The following NIBAN1 variants were observed in gnomAD, a reference collection of about 807,000 sequenced individuals.
NIBAN1 encodes niban apoptosis regulator 1.
In NIBAN1, 81 loss-of-function variants were observed where a neutral mutation model predicts 75.1. The ratio of observed to expected loss-of-function variants is 1.08; its 90% CI spans 0.90 to 1.30. The LOEUF (loss-of-function observed/expected upper bound fraction) is 1.30. NIBAN1 is among the 50% of genes most tolerant of loss of function. The pLI is 0.00. For synonymous variants in NIBAN1, 436 were observed against 424.8 expected, an observed-to-expected ratio of 1.03 and a Z score of -0.32; for missense variants, 1,133 against 1,128.1, an observed-to-expected ratio of 1.00 and a Z score of -0.06.
intron 9 of NIBAN1, among the ~76,000 whole-genome samples, chr1:184,811,513 G>GTTTTTTTTTTTTT (rs55898062): frequency 4.3e-5 from 6 of 139,042 alleles, no homozygotes; most frequent in South Asian, 2.3e-4. Flanking sequence ...TTTTTTTTTT[G>GTTTTTTTTTTTTT]TTTTTTTTTT....
intron 4 of NIBAN1, among the ~76,000 whole-genome samples, chr1:184,888,839 TAAAAGA>T (rs1656597816): frequency 6.6e-6 from 1 of 152,212 alleles, no homozygotes; most frequent in Non-Finnish European, 1.5e-5. Flanking sequence ...TAAGTAGATG[TAAAAGA>T]AAATATAATA....
At chr1:184,839,650 C>T (rs898669214) in intron 5 of NIBAN1, among the ~76,000 whole-genome samples, 11 of 151,666 alleles carry the variant, frequency 7.3e-5, no homozygotes. Context: ...GGCTGGAGTG[C>T]AATGGCACGA....
At chr1:184,901,572 G>T (rs1207596240) in intron 1 of NIBAN1, among the ~76,000 whole-genome samples, 2 of 152,102 alleles carry the variant, frequency 1.3e-5, no homozygotes, top group East Asian at 3.9e-4. Flanking sequence ...TTGCCCTTTA[G>T]GTCCAAGTAG....
Position 184,948,113 on chromosome 1 carries a change from A to T in NIBAN1, c.55+26189T>A, listed in dbSNP as rs78607944. ...AGATAAGCATATTGGGATATTCAAA[A>T]ATAGGAAATAAAAAAAAAATCCTTA... On this transcript the variant is annotated intron_variant, in intron 1 of 13. Coordinates refer to ENST00000367511, the MANE Select transcript of NIBAN1 (RefSeq NM_052966.4). 2.5e-3 allele frequency among the ~76,000 whole-genome samples: 386 copies of T among 152,224 alleles called. 2 individuals are homozygous for T. The highest frequency in any genetic ancestry group is 9.1e-3 in the African/African-American group (376 of 41,516).
At chr1:184,809,893 T>A (rs1390580855) in intron 9 of NIBAN1, among the ~76,000 whole-genome samples, 2 of 152,028 alleles carry the variant, frequency 1.3e-5, no homozygotes, top group South Asian at 4.1e-4. Flanking sequence ...GAGTAATGTA[T>A]AAAATATAAT....
rs1655294629 is a variant in NIBAN1, at chr1:184,841,790, G to A, written c.602-9828C>T. On this transcript the variant is annotated intron_variant, in intron 5 of 13. Coordinates refer to ENST00000367511, the MANE Select transcript of NIBAN1 (RefSeq NM_052966.4). ...CCCTAGAAAGGAAGTACTCCATCTG[G>A]GCTGAGTTACCTTGTAACAGGTGTA... 2.6e-5 allele frequency among the ~76,000 whole-genome samples: 4 copies of A among 152,250 alleles called. 1 individual carries two copies. The South Asian group carries it at 8.3e-4, about 32-fold the overall frequency.
At chr1:184,856,246 G>T (rs1655672687) in intron 5 of NIBAN1, among the ~76,000 whole-genome samples, 1 of 152,014 alleles carries the variant, frequency 6.6e-6, no homozygotes, top group South Asian at 2.1e-4. Context: ...AGATTTTGTG[G>T]GCTTAGATTT....
At chr1:184,800,317 C>T (rs1171457393) in intron 12 of NIBAN1, among the ~76,000 whole-genome samples, 8 of 149,142 alleles carry the variant, frequency 5.4e-5, no homozygotes, top group Middle Eastern at 3.5e-3. Flanking sequence ...TTGTGGGTTG[C>T]CTGTTCACTC....
chr1:184,923,116 ACATT>A (rs2102021228), intron 1 of NIBAN1, among the ~76,000 whole-genome samples: 1 of 152,156 alleles, frequency 6.6e-6, no homozygotes, highest in African/African-American at 2.4e-5. Flanking sequence ...TGCTTATGGG[ACATT>A]ACTCAAGAAA....
intron 13 of NIBAN1, among the ~76,000 whole-genome samples, chr1:184,796,838 T>C (rs1378113272): frequency 2.6e-5 from 4 of 152,214 alleles, no homozygotes; most frequent in Non-Finnish European, 5.9e-5. Context: ...ATCAATATAT[T>C]GTGACAATTT....
intron 11 of NIBAN1, among the ~76,000 whole-genome samples, chr1:184,805,423 A>G (rs1054861275): frequency 6.6e-6 from 1 of 152,242 alleles, no homozygotes; most frequent in Non-Finnish European, 1.5e-5. Context: ...TTTAAAATAT[A>G]ACATATATGT....
chr1:184,899,445 C>T (rs987487724), intron 1 of NIBAN1, 136 bp from the exon 2 acceptor site: 2 of 888,986 alleles, frequency 2.2e-6, no homozygotes, highest in Non-Finnish European at 3.3e-6. Context: ...TCCAGTCACC[C>T]CTGTTTCCCA....
chr1:184,908,002 T>A (rs1657146912), intron 1 of NIBAN1, among the ~76,000 whole-genome samples: 2 of 152,126 alleles, frequency 1.3e-5, no homozygotes, highest in South Asian at 4.1e-4. Flanking sequence ...ATGAAATATA[T>A]CAAAGCCAAG....
chr1:184,955,361 T>C (rs12725289), intron 1 of NIBAN1, among the ~76,000 whole-genome samples: 1,580 of 24,908 alleles, frequency 0.063, 18 homozygotes, highest in African/African-American at 0.12. Flanking sequence ...CCTTTCCTTT[T>C]CTTTTTTGTT....
chr1:184,791,036 A>G lies in NIBAN1; in HGVS notation c.*3941T>C, dbSNP rs1312946428. The G allele has an allele frequency of 2.1e-6, 1 of 471,524 alleles. No individual in the cohort carries two copies. The allele number at this position is 471,524 out of a possible 1,614,324, so 29.2% of individuals were successfully genotyped here. A position where few individuals can be genotyped will look rare whatever the true frequency, so the allele number is the denominator to read the frequency against. On this transcript the variant is annotated 3_prime_UTR_variant, in exon 14 of 14. Coordinates refer to ENST00000367511, the MANE Select transcript of NIBAN1 (RefSeq NM_052966.4). ...TAAATGACATCTGGTCAGCTCTTCAAGGATGAACATTTTATTGGAATATAG... is the reference window on the plus strand; with the variant it reads ...TAAATGACATCTGGTCAGCTCTTCAGGGATGAACATTTTATTGGAATATAG...
In NIBAN1 at chr1:184,795,818, G is replaced by A; in HGVS notation, c.1946C>T (p.Pro649Leu). 3.1e-6 allele frequency: 5 copies of A among 1,609,712 alleles called. No homozygotes were observed. The East Asian group carries it at 1.1e-4, about 36-fold the overall frequency. Reference sequence around the variant, plus strand: ...AATAATCACCTGCTCAGTCCCATCTGGGGGTGGGCTTGGCCCAGGGAGAGA... The same window carrying A: ...AATAATCACCTGCTCAGTCCCATCTAGGGGTGGGCTTGGCCCAGGGAGAGA... ...SLSLPGPSPPPDGTEQVIISR... is the reference protein window; with the variant it reads ...SLSLPGPSPPLDGTEQVIISR... The change falls in exon 14 of 14, where the codon CCA (proline) becomes CTA (leucine). Residue 649 changes from proline (P) to leucine (L), a missense_variant. Coordinates refer to ENST00000367511, the MANE Select transcript of NIBAN1 (RefSeq NM_052966.4).
At chr1:184,839,689 G>A (rs956369336) in intron 5 of NIBAN1, among the ~76,000 whole-genome samples, 1 of 151,854 alleles carries the variant, frequency 6.6e-6, no homozygotes, top group African/African-American at 2.4e-5. Flanking sequence ...TCCACCTCCC[G>A]GGTTCAAGCG....
At chr1:184,921,330 T>C (rs959529895) in intron 1 of NIBAN1, among the ~76,000 whole-genome samples, 1 of 151,508 alleles carries the variant, frequency 6.6e-6, no homozygotes, top group African/African-American at 2.4e-5. Context: ...ATCTAACATA[T>C]AAAAAGACAT....
At chr1:184,912,382 G>C (rs1419950507) in intron 1 of NIBAN1, among the ~76,000 whole-genome samples, 1 of 152,062 alleles carries the variant, frequency 6.6e-6, no homozygotes, top group Non-Finnish European at 1.5e-5. Context: ...AAGAATATTA[G>C]GTCAAAGGGT....
Sources: gnomAD v4.1 joint callset for allele counts (sites outside exome capture counted in the v4.1 genomes callset) on GRCh38, gnomAD v4.1.1 for gene constraint, MANE v1.5 for transcripts, NCBI Gene and HGNC (gene_info 2026-07-23, HGNC 2026-07-21) for gene names.